The following ARMH4 variants were observed in gnomAD, a reference collection of about 807,000 sequenced individuals.
ARMH4 encodes armadillo-like helical domain-containing protein 4.
Under a neutral mutation model 61.9 loss-of-function variants are expected in ARMH4, and 49 were observed. That is an observed-to-expected ratio of 0.79 (90% CI 0.63 to 1.00). ARMH4 has a LOEUF of 1.00. ARMH4 is among the 50% of genes least tolerant of loss of function. ARMH4 has a pLI of 0.00. For missense variants in ARMH4, 934 were observed against 930.0 expected (o/e 1.00, Z -0.06); for synonymous variants, 368 against 341.5 (o/e 1.08, Z -0.85).
In ARMH4 at chr14:58,131,498, C is replaced by T; in HGVS notation, c.1831+14G>A. On this transcript the variant is annotated intron_variant, in intron 4 of 7. Transcript: ENST00000267485. ...AACCAGTCCTTGAAAAGATCCCCTT[C>T]AAAGCATGAATACCTTCAGATTCAA... is the stretch of plus-strand genomic sequence containing the variant. 1 of 1,607,788 alleles carries T rather than the reference C, an allele frequency of 6.2e-7. No homozygotes were observed. Among genetic ancestry groups the T allele is most frequent in the African/African-American group, 1.3e-5 (1 of 74,864 alleles).
chr14:58,029,593 C>T (rs988076994), intron 5 of ARMH4, among the ~76,000 whole-genome samples: 4 of 151,890 alleles, frequency 2.6e-5, no homozygotes, highest in African/African-American at 9.7e-5. Context: ...CCAATAAAGG[C>T]ATGAAAAAAT....
At chr14:58,070,650 C>T (rs1813346667) in intron 5 of ARMH4, among the ~76,000 whole-genome samples, 1 of 152,166 alleles carries the variant, frequency 6.6e-6, no homozygotes, top group Non-Finnish European at 1.5e-5. Flanking sequence ...TTGGCAAAAG[C>T]ACATTATGGA....
intron 4 of ARMH4, among the ~76,000 whole-genome samples, chr14:58,098,503 A>C (rs1386574010): frequency 6.6e-6 from 1 of 152,252 alleles, no homozygotes; most frequent in African/African-American, 2.4e-5. Flanking sequence ...AGAAAACGCC[A>C]GGCACTGCTA....
chr14:58,121,583 T>C (rs1886726548), intron 4 of ARMH4, among the ~76,000 whole-genome samples: 1 of 152,232 alleles, frequency 6.6e-6, no homozygotes, highest in Non-Finnish European at 1.5e-5. Context: ...TATGTGAGCA[T>C]TATTAGCAAA....
chr14:58,012,138 A>G lies in ARMH4; in HGVS notation c.2102T>C (p.Met701Thr). Residue 701 changes from methionine to threonine, a missense_variant, in exon 6 of 8, where the codon ATG becomes ACG. Met to Thr is a moderately conservative substitution (Grantham distance 81, BLOSUM62 -1). Transcript: ENST00000267485. ...TCTTACCTTGTCTTTTAATTTTTCC[A>G]TCCAGCTTCTCACTAGGAAAAAAAT... ...QQNQGLVRSW[M>T]EKLKDKAGYM... 1 of 1,470,834 alleles carries G rather than the reference A, an allele frequency of 6.8e-7. No individual in the cohort carries two copies. Among genetic ancestry groups the G allele is most frequent in the Non-Finnish European group, 9.3e-7 (1 of 1,076,976 alleles). 91.1% of individuals were successfully genotyped at this position (1,470,834 alleles called of 1,614,324 possible).
intron 5 of ARMH4, among the ~76,000 whole-genome samples, chr14:58,089,846 T>A (rs901184258): frequency 3.3e-5 from 5 of 152,186 alleles, no homozygotes; most frequent in Non-Finnish European, 7.3e-5. Flanking sequence ...GATAATTCAG[T>A]CCCTCACTAT....
At chr14:58,042,229 C>G (rs1049571354) in intron 5 of ARMH4, among the ~76,000 whole-genome samples, 1 of 152,176 alleles carries the variant, frequency 6.6e-6, no homozygotes, top group Non-Finnish European at 1.5e-5. Flanking sequence ...TGTAAAAGGA[C>G]AGAAATTATA....
chr14:58,143,765 C>CTTTT lies in ARMH4; in HGVS notation c.-56-4355_-56-4352dup, dbSNP rs201034964. Among the ~76,000 whole-genome samples, 279 of 120,026 alleles carry CTTTT rather than the reference C, an allele frequency of 2.3e-3. 19 individuals carry two copies. The highest frequency in any genetic ancestry group is 9.9e-3 in the African/African-American group (249 of 25,138). The allele number at this position is 120,026 out of a possible 152,430, so 78.7% of individuals were successfully genotyped here. A position where few individuals can be genotyped will look rare whatever the true frequency, so the allele number is the denominator to read the frequency against. On this transcript the variant is annotated intron_variant, in intron 1 of 7. Coordinates refer to ENST00000267485, the MANE Select transcript of ARMH4 (RefSeq NM_001001872.4). ...AGGCATGAGCCACCGTGCCCATCCT[C>CTTTT]TTTTTTTTTTTTTTTTTTTTTTTTC... is the stretch of plus-strand genomic sequence containing the variant.
chr14:58,130,476 A>G (rs1250820710), intron 4 of ARMH4, among the ~76,000 whole-genome samples: 1 of 152,244 alleles, frequency 6.6e-6, no homozygotes, highest in Non-Finnish European at 1.5e-5. Flanking sequence ...TTGAGTGCCC[A>G]AAAGCTTACC....
chr14:58,134,159 A>G (rs1048803215), intron 2 of ARMH4, among the ~76,000 whole-genome samples: 1 of 152,240 alleles, frequency 6.6e-6, no homozygotes, highest in African/African-American at 2.4e-5. Flanking sequence ...TCCACTTTAC[A>G]GAACTTAGGT....
chr14:58,060,846 G>A (rs912714221), intron 5 of ARMH4, among the ~76,000 whole-genome samples: 1 of 152,138 alleles, frequency 6.6e-6, no homozygotes, highest in Admixed American at 6.6e-5. Context: ...AGAGTTCCCA[G>A]ATTCCCAAAC....
At chr14:58,048,316 A>C (rs1029906592) in intron 5 of ARMH4, among the ~76,000 whole-genome samples, 2 of 152,256 alleles carry the variant, frequency 1.3e-5, no homozygotes, top group Admixed American at 6.5e-5. Flanking sequence ...AAAAATATAA[A>C]GGCATCAAGC....
At chr14:58,035,814 T>A (rs1320418926) in intron 5 of ARMH4, among the ~76,000 whole-genome samples, 2 of 138,098 alleles carry the variant, frequency 1.4e-5, no homozygotes, top group African/African-American at 2.7e-5. Context: ...AATGGATAAA[T>A]TCCTCAACAC....
At position 58,133,206 on chromosome 14, in the gene ARMH4, G is replaced by C. The variant is rs574253004; in HGVS notation, c.1505C>G (p.Ser502Cys). The C allele has an allele frequency of 4.3e-6, 7 of 1,614,054 alleles. No homozygotes were observed. The highest frequency in any genetic ancestry group is 1.7e-5 in the Admixed American group (1 of 60,004). Residue 502 changes from serine to cysteine, a missense_variant, in exon 3 of 8, where the codon TCT becomes TGT. Transcript: ENST00000267485. ...AACACCAGGAACGTCAGACACAGGAGAGGGGTCCTCCTTTTCTTCCTCAGT... is the reference window on the plus strand; with the variant it reads ...AACACCAGGAACGTCAGACACAGGACAGGGGTCCTCCTTTTCTTCCTCAGT... ...GKTEEEKEDP[S>C]PVSDVPGVTQ...
At chr14:58,095,223 C>T (rs368761039) in intron 5 of ARMH4, among the ~76,000 whole-genome samples, 56 of 152,254 alleles carry the variant, frequency 3.7e-4, no homozygotes, top group African/African-American at 1.1e-3. Context: ...CTCCTCTCTC[C>T]GGTAAAGTAC....
chr14:58,124,155 T>G (rs1886822279), intron 4 of ARMH4, among the ~76,000 whole-genome samples: 1 of 152,136 alleles, frequency 6.6e-6, no homozygotes, highest in South Asian at 2.1e-4. Context: ...TATACACTAA[T>G]TAAGGAAACT....
intron 5 of ARMH4, among the ~76,000 whole-genome samples, chr14:58,046,188 A>T (rs1883934717): frequency 6.6e-6 from 1 of 152,154 alleles, no homozygotes; most frequent in Admixed American, 6.5e-5. Flanking sequence ...TAATTTGTAA[A>T]TCCCACGGTA....
Position 58,010,501 on chromosome 14 carries a change from T to A in ARMH4, c.2121+1618A>T, listed in dbSNP as rs8017546. 4.3e-4 allele frequency among the ~76,000 whole-genome samples: 65 copies of A among 151,982 alleles called. 1 individual carries two copies. The highest frequency in any genetic ancestry group is 1.0e-3 in the Admixed American group (16 of 15,278). On this transcript the variant is annotated intron_variant, in intron 6 of 7. Coordinates refer to ENST00000267485, the MANE Select transcript of ARMH4 (RefSeq NM_001001872.4). ...CACATATGACAGTCACTATTGGAAT[T>A]CAAAATTTTCTTCTTACAATTTTTT...
At position 58,096,717 on chromosome 14, in the gene ARMH4, C is replaced by T; in HGVS notation, c.2089+7G>A. The T allele has an allele frequency of 1.9e-6, 3 of 1,613,052 alleles. No individual in the cohort carries two copies. The highest frequency in any genetic ancestry group is 2.5e-6 in the Non-Finnish European group (3 of 1,179,356). On this transcript the variant is annotated splice_region_variant and intron_variant, in intron 5 of 7. Coordinates refer to ENST00000267485, the MANE Select transcript of ARMH4 (RefSeq NM_001001872.4). ...GGGAGGAAAAGGGAAATACACATGACTCTTACCCAGGCCTTGATTCTGCTG... is the reference window on the plus strand; with the variant it reads ...GGGAGGAAAAGGGAAATACACATGATTCTTACCCAGGCCTTGATTCTGCTG...
Sources: gnomAD v4.1 joint callset for allele counts (sites outside exome capture counted in the v4.1 genomes callset) on GRCh38, gnomAD v4.1.1 for gene constraint, MANE v1.5 for transcripts, NCBI Gene and HGNC (gene_info 2026-07-23, HGNC 2026-07-21) for gene names.